The following TP73 variants were observed in gnomAD, a reference collection of about 807,000 sequenced individuals.
TP73 encodes tumor protein p73, also known as p53-like transcription factor.
Under a neutral mutation model 62.5 loss-of-function variants are expected in TP73, and 25 were observed. That is an observed-to-expected ratio of 0.40 (90% confidence interval 0.29 to 0.56). The LOEUF is 0.56. TP73 is among the 20% of genes least tolerant of loss of function. TP73 has a pLI of 0.46. For synonymous variants in TP73, 423 were observed against 377.5 expected (o/e 1.12, Z -1.40); for missense variants, 754 against 913.3 (o/e 0.83, Z 2.25).
At chr1:3,709,604 G>A (rs12130809) in intron 4 of TP73, among the ~76,000 whole-genome samples, 25,724 of 152,186 alleles carry the variant, frequency 0.17, 2,348 homozygotes, top group African/African-American at 0.2. Context: ...CCACTTGGAG[G>A]TCTGAAGCCA....
At chr1:3,720,683 G>C (rs3765771) in intron 4 of TP73, among the ~76,000 whole-genome samples, 110,483 of 152,218 alleles carry the variant, frequency 0.73, 42,910 homozygotes, top group Non-Finnish European at 0.88. Flanking sequence ...TTTCCTTCCT[G>C]GCTTTTCGTG....
chr1:3,673,966 G>A (rs1645302310), intron 1 of TP73, among the ~76,000 whole-genome samples: 2 of 152,164 alleles, frequency 1.3e-5, no homozygotes, highest in African/African-American at 4.8e-5. Flanking sequence ...CCAGGCTGCT[G>A]GGTTCGACCT....
At chr1:3,659,471 T>C (rs1392825567) in intron 1 of TP73, 1 of 152,052 alleles carries the variant, frequency 6.6e-6, no homozygotes, top group Middle Eastern at 3.2e-3. Context: ...AAATTGAAAG[T>C]GTTAGTTTGG....
At position 3,666,124 on chromosome 1, in the gene TP73, CAAAAAAAAAAAAAAAAA is replaced by C. The variant is rs59432695; in HGVS notation, c.-34+13494_-34+13510del. On this transcript the variant is annotated intron_variant, in intron 1 of 13. Transcript: ENST00000378295. The surrounding 1 kb of genome is among the most constrained non-coding windows in gnomAD (Gnocchi z 6.4). ...GGGCAACAAGAGCAAAACTCTGTCT[CAAAAAAAAAAAAAAAAA>C]AAAAAAAAAAGAGAGAGAGAGAGAG... is the stretch of plus-strand genomic sequence containing the variant. Among the ~76,000 whole-genome samples, 6 of 41,084 alleles carry C rather than the reference CAAAAAAAAAAAAAAAAA, an allele frequency of 1.5e-4. No individual in the cohort carries two copies. The highest frequency in any genetic ancestry group is 1.8e-3 in the East Asian group (2 of 1,142). The allele number at this position is 41,084 out of a possible 152,430, so 27.0% of individuals were successfully genotyped here.
intron 4 of TP73, among the ~76,000 whole-genome samples, chr1:3,711,698 C>G (rs1640153645): frequency 6.6e-6 from 1 of 152,238 alleles, no homozygotes; most frequent in Non-Finnish European, 1.5e-5. Flanking sequence ...ACGAGGCAGG[C>G]TGCCATGGCA....
chr1:3,672,097 T>A lies in TP73; in HGVS notation c.-33-10236T>A, dbSNP rs1200832984. On this transcript the variant is annotated intron_variant, in intron 1 of 13. Coordinates refer to ENST00000378295, the MANE Select transcript of TP73 (RefSeq NM_005427.4). The surrounding 1 kb of genome is among the most constrained non-coding windows in gnomAD (Gnocchi z 5.3). ...GTGGTCAGCAGGGAGACATGTCCAC[T>A]GGTGCAGCGGGCGTGTCCCAGACCC... Among the ~76,000 whole-genome samples, 3 of 152,034 alleles carry A rather than the reference T, an allele frequency of 2.0e-5. No homozygotes were observed. Among genetic ancestry groups the A allele is most frequent in the Non-Finnish European group, 4.4e-5 (3 of 67,982 alleles).
Position 3,730,027 on chromosome 1 carries a change from G to A in TP73, c.1224G>A (p.Gly408=). 5 of 1,609,286 alleles carry A rather than the reference G, an allele frequency of 3.1e-6. No homozygotes were observed. Among genetic ancestry groups the A allele is most frequent in the Non-Finnish European group, 2.5e-6 (3 of 1,177,636 alleles). The change falls in exon 11 of 14, where the codon GGG becomes GGA. Residue 408 remains glycine, a synonymous_variant. Coordinates refer to ENST00000378295, the MANE Select transcript of TP73 (RefSeq NM_005427.4). ...RPSHLQPPSY[G]PVLSPMNKVH... Reference sequence around the variant, plus strand: ...GTCACCTACAGCCCCCGTCCTACGGGCCGGTCCTCTCGCCCATGAACAAGG... The same window carrying A: ...GTCACCTACAGCCCCCGTCCTACGGACCGGTCCTCTCGCCCATGAACAAGG...
At chr1:3,718,109 G>A (rs1399937048) in intron 4 of TP73, among the ~76,000 whole-genome samples, 2 of 152,168 alleles carry the variant, frequency 1.3e-5, no homozygotes, top group African/African-American at 4.8e-5. Flanking sequence ...GTTCTAGGCC[G>A]CTCCACACTC....
At chr1:3,698,060 G>C in intron 3 of TP73, 1 of 985,574 alleles carries the variant, frequency 1.0e-6, no homozygotes, top group Non-Finnish European at 1.2e-6. Context: ...TGTGCTGGAA[G>C]GTGTCCAGGA....
chr1:3,669,757 T>G (rs1645199522), intron 1 of TP73, among the ~76,000 whole-genome samples: 1 of 152,218 alleles, frequency 6.6e-6, no homozygotes, highest in Non-Finnish European at 1.5e-5. Flanking sequence ...TCCTTCTGCC[T>G]GGGTCCTGCT....
At chr1:3,729,291 G>T (rs2124531077) in intron 9 of TP73, 36 bp from the exon 10 acceptor site, 1 of 1,612,088 alleles carries the variant, frequency 6.2e-7, no homozygotes, top group South Asian at 1.1e-5. Flanking sequence ...TGGGGGTCTG[G>T]GGCACGTGGG....
intron 1 of TP73, among the ~76,000 whole-genome samples, chr1:3,667,228 G>C (rs1332921178): frequency 6.6e-6 from 1 of 152,224 alleles, no homozygotes; most frequent in Non-Finnish European, 1.5e-5. Context: ...CCCAAAGACA[G>C]GAAGAGGGGG....
At chr1:3,705,133 C>G (rs1639519832) in intron 3 of TP73, among the ~76,000 whole-genome samples, 1 of 152,220 alleles carries the variant, frequency 6.6e-6, no homozygotes. Flanking sequence ...GATTCCTGGG[C>G]TCAAGAGATC....
At chr1:3,705,592 G>T (rs1365448762) in intron 3 of TP73, among the ~76,000 whole-genome samples, 1 of 152,258 alleles carries the variant, frequency 6.6e-6, no homozygotes, top group Non-Finnish European at 1.5e-5. Flanking sequence ...GGCCTGCTGG[G>T]GCTGTTGGCT....
At chr1:3,657,219 G>C (rs898858536) in intron 1 of TP73, among the ~76,000 whole-genome samples, 53 of 152,322 alleles carry the variant, frequency 3.5e-4, no homozygotes, top group African/African-American at 1.3e-3. Context: ...GTGTGGGCAG[G>C]GTCGGGTTCC....
rs1557601343 is a variant in TP73, at chr1:3,734,788, C to T, written c.*1709C>T. 1 of 152,282 alleles carries T rather than the reference C, an allele frequency of 6.6e-6. No homozygotes were observed. Among genetic ancestry groups the T allele is most frequent in the Non-Finnish European group, 1.5e-5 (1 of 68,098 alleles). 9.4% of individuals were successfully genotyped at this position (152,282 alleles called of 1,614,324 possible). The stretch of plus-strand genomic sequence containing the variant: ...CCACCGTCCACCTCCCCGGGGGCCG[C>T]TGACAGCACAGTCGCCTGGGTGCAC... On this transcript the variant is annotated 3_prime_UTR_variant, in exon 14 of 14. Coordinates refer to ENST00000378295, the MANE Select transcript of TP73 (RefSeq NM_005427.4). This position sits in a 1 kb window ranked among gnomAD's most constrained non-coding sequence, Gnocchi z 4.4.
At position 3,672,141 on chromosome 1, in the gene TP73, G is replaced by T; in HGVS notation, c.-33-10192G>T. Among the ~76,000 whole-genome samples, 1 of 152,154 alleles carries T rather than the reference G, an allele frequency of 6.6e-6. No homozygotes were observed. Among genetic ancestry groups the T allele is most frequent in the East Asian group, 1.9e-4 (1 of 5,200 alleles). On this transcript the variant is annotated intron_variant, in intron 1 of 13. Coordinates refer to ENST00000378295, the MANE Select transcript of TP73 (RefSeq NM_005427.4). The surrounding 1 kb of genome is among the most constrained non-coding windows in gnomAD (Gnocchi z 5.3). ...CAGACCCCTTAGAGAAAAGCCCAGAGCCAGGGGTGAGGGGTATGTGTAGGG... is the reference window on the plus strand; with the variant it reads ...CAGACCCCTTAGAGAAAAGCCCAGATCCAGGGGTGAGGGGTATGTGTAGGG...
At chr1:3,656,257 T>C (rs75284414) in intron 1 of TP73, among the ~76,000 whole-genome samples, 6,786 of 152,178 alleles carry the variant, frequency 0.045, 322 homozygotes, top group East Asian at 0.23. Context: ...GACAGACATA[T>C]GCACATGTTT....
At position 3,707,590 on chromosome 1, in the gene TP73, C is replaced by A; in HGVS notation, c.228C>A (p.Ser76Arg). ...NLLSSTMDQM[S>R]SRAASASPYT... is the part of the protein sequence containing the mutation. ...TGAGCAGCACCATGGACCAGATGAG[C>A]AGCCGCGCGGCCTCGGCCAGCCCCT... The change falls in exon 4 of 14, where the codon AGC becomes AGA. Residue 76 changes from serine (S) to arginine (R), a missense_variant. Ser to Arg is a moderately radical substitution (Grantham distance 110). Around this residue, in one of 3 missense-constraint regions of TP73, gnomAD observed 235 missense variants for 251.4 expected, o/e 0.93. Coordinates refer to ENST00000378295, the MANE Select transcript of TP73 (RefSeq NM_005427.4). 2 of 1,612,398 alleles carry A rather than the reference C, an allele frequency of 1.2e-6. No individual in the cohort carries two copies. The highest frequency in any genetic ancestry group is 1.7e-6 in the Non-Finnish European group (2 of 1,179,668).
Sources: gnomAD v4.1 joint callset for allele counts (sites outside exome capture counted in the v4.1 genomes callset) on GRCh38, gnomAD v4.1.1 for gene constraint, gnomAD v4.1.1 regional missense constraint, Gnocchi (gnomAD v3.1) non-coding constraint, MANE v1.5 for transcripts, NCBI Gene and HGNC (gene_info 2026-07-23, HGNC 2026-07-21) for gene names.